COX16: variants seen among roughly 807,000 people sequenced by gnomAD.
The protein encoded by COX16 is cytochrome c oxidase assembly protein COX16 homolog, mitochondrial.
COX16 carries 12 observed loss-of-function variants against 15.4 expected under a neutral mutation model. That is an observed-to-expected ratio of 0.78 (90% CI 0.50 to 1.26). The LOEUF (loss-of-function observed/expected upper bound fraction) is 1.26, where lower values mean the gene tolerates loss of function less well. Ranked by LOEUF, COX16 falls within the 50% of genes most tolerant of loss-of-function variation. The probability of loss-of-function intolerance (pLI) is 0.00; values close to 1 mark genes in which losing one functional copy is unlikely to be tolerated. For synonymous variants in COX16, 46 were observed against 41.1 expected (o/e 1.12, Z -0.46); for missense variants, 124 against 127.6 (o/e 0.97, Z 0.14).
intron 1 of COX16, among the ~76,000 whole-genome samples, chr14:70,350,352 C>A (rs562300743): frequency 1.5e-4 from 23 of 152,222 alleles, no homozygotes; most frequent in African/African-American, 5.3e-4. Context: ...CCCGTCCTCA[C>A]TTGGGGTTGA....
chr14:70,355,684 G>A (rs1887103663), intron 1 of COX16, among the ~76,000 whole-genome samples: 1 of 152,178 alleles, frequency 6.6e-6, no homozygotes, highest in African/African-American at 2.4e-5. Context: ...TATTTAAAAT[G>A]TTCAAGATAT....
chr14:70,331,540 T>A (rs531928456), intron 2 of COX16, among the ~76,000 whole-genome samples: 1 of 152,296 alleles, frequency 6.6e-6, no homozygotes, highest in African/African-American at 2.4e-5. Context: ...ATTAACTTCA[T>A]CGGTCACCAT....
At chr14:70,340,559 T>G (rs977947696) in intron 2 of COX16, among the ~76,000 whole-genome samples, 1 of 152,220 alleles carries the variant, frequency 6.6e-6, no homozygotes, top group Non-Finnish European at 1.5e-5. Flanking sequence ...CTCATTAATT[T>G]CTCTTTATCA....
intron 1 of COX16, among the ~76,000 whole-genome samples, chr14:70,343,787 G>T (rs550940567): frequency 2.0e-5 from 3 of 152,218 alleles, no homozygotes; most frequent in Admixed American, 6.5e-5. Context: ...TGTAACCACC[G>T]AATGGGTTCA....
chr14:70,332,967 C>T (rs1317339063), intron 2 of COX16, among the ~76,000 whole-genome samples: 1 of 152,220 alleles, frequency 6.6e-6, no homozygotes, highest in Non-Finnish European at 1.5e-5. Context: ...CCATGCCAAC[C>T]TTGGAGCCTT....
intron 2 of COX16, among the ~76,000 whole-genome samples, chr14:70,332,763 C>G (rs1886329942): frequency 6.6e-6 from 1 of 152,218 alleles, no homozygotes; most frequent in South Asian, 2.1e-4. Context: ...ACAGCAGATC[C>G]AGAAGGGGTC....
At chr14:70,351,154 A>C (rs1467208657) in intron 1 of COX16, among the ~76,000 whole-genome samples, 1 of 152,190 alleles carries the variant, frequency 6.6e-6, no homozygotes, top group African/African-American at 2.4e-5. Context: ...TACAATTTCT[A>C]TCTTATTTAT....
chr14:70,358,371 ATTTTTTTTT>A (rs34871293), intron 1 of COX16, among the ~76,000 whole-genome samples: 9 of 94,070 alleles, frequency 9.6e-5, no homozygotes, highest in Admixed American at 3.9e-4. Flanking sequence ...AAAAACAACA[ATTTTTTTTT>A]TTTTTTTTTT....
At chr14:70,357,449 A>G (rs933172272) in intron 1 of COX16, among the ~76,000 whole-genome samples, 1 of 152,228 alleles carries the variant, frequency 6.6e-6, no homozygotes, top group East Asian at 1.9e-4. Flanking sequence ...TGTAAATTGC[A>G]TGGCTGAATG....
chr14:70,345,081 G>C (rs1886736440), intron 1 of COX16, among the ~76,000 whole-genome samples: 3 of 152,168 alleles, frequency 2.0e-5, no homozygotes. Flanking sequence ...CACGTCCCCT[G>C]TGAACCTACC....
At chr14:70,345,560 T>C (rs937401362) in intron 1 of COX16, among the ~76,000 whole-genome samples, 45 of 152,274 alleles carry the variant, frequency 3.0e-4, no homozygotes, top group Admixed American at 2.6e-3. Flanking sequence ...AGTACCTGTC[T>C]TTTTTGCAAT....
chr14:70,340,942 T>C (rs1046093657), intron 2 of COX16, among the ~76,000 whole-genome samples: 2 of 152,208 alleles, frequency 1.3e-5, no homozygotes, highest in Non-Finnish European at 2.9e-5. Flanking sequence ...TGCTATATTA[T>C]ATGTCTGGGT....
intron 2 of COX16, among the ~76,000 whole-genome samples, chr14:70,334,082 A>G (rs1886371110): frequency 6.6e-6 from 1 of 152,242 alleles, no homozygotes; most frequent in Non-Finnish European, 1.5e-5. Context: ...AAGAAATGCT[A>G]AAGAGAGTTC....
At chr14:70,331,258 G>A (rs552472503) in intron 2 of COX16, among the ~76,000 whole-genome samples, 20 of 152,152 alleles carry the variant, frequency 1.3e-4, no homozygotes, top group African/African-American at 3.9e-4. Context: ...CACCTGCCTC[G>A]GCCTCGCAAA....
In COX16 at chr14:70,344,735, C is replaced by T. The variant is rs370471086; in HGVS notation, c.70-2006G>A. 1.3e-3 allele frequency among the ~76,000 whole-genome samples: 205 copies of T among 152,274 alleles called. 2 individuals are homozygous for T. Among genetic ancestry groups the T allele is most frequent in the African/African-American group, 4.7e-3 (194 of 41,554 alleles). On this transcript the variant is annotated intron_variant, in intron 1 of 3. Transcript: ENST00000389912. ...GGCCCAGTCCCAAGGCACAAGGCTA[C>T]TTGTACCAGCAGTGTGCACCAGCAA...
intron 1 of COX16, among the ~76,000 whole-genome samples, chr14:70,348,226 C>T (rs1186907300): frequency 1.3e-5 from 2 of 152,160 alleles, no homozygotes; most frequent in African/African-American, 2.4e-5. Flanking sequence ...TCCATGCCAA[C>T]CTAACAGTTT....
At chr14:70,354,223 A>G (rs1887056089) in intron 1 of COX16, among the ~76,000 whole-genome samples, 1 of 152,224 alleles carries the variant, frequency 6.6e-6, no homozygotes, top group African/African-American at 2.4e-5. Context: ...CATAAAATCA[A>G]AAGAGAACAA....
intron 2 of COX16, among the ~76,000 whole-genome samples, chr14:70,337,018 C>A (rs1374464388): frequency 6.6e-6 from 1 of 152,100 alleles, no homozygotes; most frequent in African/African-American, 2.4e-5. Context: ...TCCCTGGAAA[C>A]CCTTGACACA....
At chr14:70,337,206 C>T (rs1393224519) in intron 2 of COX16, among the ~76,000 whole-genome samples, 1 of 152,120 alleles carries the variant, frequency 6.6e-6, no homozygotes, top group East Asian at 1.9e-4. Context: ...TGAAAATTCT[C>T]TGAAAAGTAG....
Sources: gnomAD v4.1 joint callset for allele counts (sites outside exome capture counted in the v4.1 genomes callset) on GRCh38, gnomAD v4.1.1 for gene constraint, MANE v1.5 for transcripts, NCBI Gene and HGNC (gene_info 2026-07-23, HGNC 2026-07-21) for gene names.